The following BNIP2 variants were observed in gnomAD, a reference collection of about 807,000 sequenced individuals.
The protein encoded by BNIP2 is BCL2/adenovirus E1B 19 kDa protein-interacting protein 2.
Under a neutral mutation model 43.4 loss-of-function variants are expected in BNIP2, and 36 were observed. The observed-to-expected ratio is 0.83, with a 90% CI of 0.64 to 1.10. The LOEUF (loss-of-function observed/expected upper bound fraction) is 1.10, where lower values mean the gene tolerates loss of function less well. Among genes scored for constraint, BNIP2 ranks in the 50% least tolerant of loss-of-function variants. The pLI is 0.00. For missense variants in BNIP2, 417 were observed against 374.1 expected (o/e 1.11, Z -0.95); for synonymous variants, 146 against 121.0 (o/e 1.21, Z -1.35).
intron 1 of BNIP2, among the ~76,000 whole-genome samples, chr15:59,685,695 T>C (rs946280382): frequency 1.3e-5 from 2 of 152,178 alleles, no homozygotes; most frequent in Non-Finnish European, 2.9e-5. Context: ...AAACAGAACT[T>C]GGGGAGAGAG....
chr15:59,669,178 T>C lies in BNIP2; in HGVS notation c.794+98A>G, dbSNP rs6151564. The C allele has an allele frequency of 6.4e-3, 6,729 of 1,057,922 alleles. 40 individuals carry two copies. Among genetic ancestry groups the C allele is most frequent in the Middle Eastern group, 6.8e-3 (22 of 3,234 alleles). 65.5% of individuals were successfully genotyped at this position (1,057,922 alleles called of 1,614,324 possible). On this transcript the variant is annotated intron_variant, in intron 8 of 9. Transcript: ENST00000607373. ...TACAATGTATACACATATCAAAATA[T>C]AGCTCTGTATCCCATAAGTATGTAT...
At chr15:59,668,108 T>C (rs1354454312) in intron 9 of BNIP2, 1 of 1,298,010 alleles carries the variant, frequency 7.7e-7, no homozygotes, top group Admixed American at 2.3e-5. Context: ...TATACCTTTT[T>C]TGTTTCTTTT....
intron 1 of BNIP2, chr15:59,688,895 G>A: frequency 6.8e-7 from 1 of 1,474,478 alleles, no homozygotes. Flanking sequence ...AAAAGCGACG[G>A]GGTGGGGGGC....
intron 5 of BNIP2, chr15:59,676,867 G>A (rs760161567): frequency 4.7e-5 from 75 of 1,583,196 alleles, no homozygotes; most frequent in Non-Finnish European, 5.9e-5. Context: ...CTGGGCTCTC[G>A]CTGCGTTCGC....
At chr15:59,673,756 A>T (rs1893085106) in intron 5 of BNIP2, among the ~76,000 whole-genome samples, 2 of 152,172 alleles carry the variant, frequency 1.3e-5, no homozygotes, top group Admixed American at 6.5e-5. Flanking sequence ...GTAAGTTTAT[A>T]TTTAAAAATG....
At chr15:59,685,096 T>C (rs1020824057) in intron 1 of BNIP2, among the ~76,000 whole-genome samples, 1 of 152,246 alleles carries the variant, frequency 6.6e-6, no homozygotes, top group Non-Finnish European at 1.5e-5. Flanking sequence ...AATTTCTATT[T>C]GTAAAATTGT....
intron 2 of BNIP2, 59 bp from the exon 3 acceptor site, chr15:59,680,367 T>G (rs1283028938): frequency 7.8e-7 from 1 of 1,286,632 alleles, no homozygotes; most frequent in African/African-American, 1.5e-5. Context: ...TTTTTTGAAG[T>G]TCAATCTATT....
rs1480027540 is a variant in BNIP2 at position 59,680,225 on chromosome 15, A to C, written c.118+16T>G. On this transcript the variant is annotated intron_variant, in intron 3 of 9. Transcript: ENST00000607373. The stretch of plus-strand genomic sequence containing the variant: ...AAAGTCCATAATTTCAATGAAAGTA[A>C]GTGTCAAGCTCTTACCAGGCTGGTC... The C allele has an allele frequency of 6.6e-7, 1 of 1,518,886 alleles. No individual in the cohort carries two copies. The highest frequency in any genetic ancestry group is 2.0e-5 in the Admixed American group (1 of 50,274). The allele number at this position is 1,518,886 out of a possible 1,614,324, so 94.1% of individuals were successfully genotyped here.
At chr15:59,679,981 A>T (rs1266076456) in intron 3 of BNIP2, among the ~76,000 whole-genome samples, 2 of 152,208 alleles carry the variant, frequency 1.3e-5, no homozygotes, top group Non-Finnish European at 2.9e-5. Context: ...TTTTAAATAG[A>T]GGCAGACCTT....
At position 59,675,374 on chromosome 15, in the gene BNIP2, G is replaced by A. The variant is rs138302095; in HGVS notation, c.472+2537C>T. 1.2e-4 allele frequency among the ~76,000 whole-genome samples: 19 copies of A among 152,226 alleles called. No homozygotes were observed. In the East Asian group the frequency reaches 3.7e-3, roughly 29 times the overall value. ...GCCTGTAATCCCAGCACTTCAGGAG[G>A]CTGGGGTGAGCAAATCACGAGGTCA... is the stretch of plus-strand genomic sequence containing the variant. On this transcript the variant is annotated intron_variant, in intron 5 of 9. Transcript: ENST00000607373.
At chr15:59,672,815 A>G (rs1042606860) in intron 5 of BNIP2, 76 bp from the exon 6 acceptor site, 1 of 998,514 alleles carries the variant, frequency 1.0e-6, no homozygotes, top group Admixed American at 2.2e-5. Flanking sequence ...CTGTATGATT[A>G]GTAAATTATA....
rs373331890 is a variant in BNIP2, at chr15:59,668,935, G to T, written c.850C>A (p.Leu284Ile). ...ATGCCAACGTATTCCATGGGGACAA[G>T]TTCTGCTAGTTCTGCCAAATTAAAC... is the stretch of plus-strand genomic sequence containing the variant. ...YVFNLAELAE[L>I]VPMEYVGIPE... is the part of the protein sequence containing the mutation. Residue 284 changes from leucine (L) to isoleucine (I), a missense_variant, in exon 9 of 10, where the codon CTT (leucine) becomes ATT (isoleucine). Transcript: ENST00000607373. 3 of 1,613,704 alleles carry T rather than the reference G, an allele frequency of 1.9e-6. No individual in the cohort carries two copies. Among genetic ancestry groups the T allele is most frequent in the Non-Finnish European group, 8.5e-7 (1 of 1,179,752 alleles).
chr15:59,679,651 T>TC lies in BNIP2; in HGVS notation c.235dup (p.Glu79GlyfsTer3). The TC allele has an allele frequency of 6.2e-7, 1 of 1,613,218 alleles. No individual in the cohort carries two copies. The highest frequency in any genetic ancestry group is 8.5e-7 in the Non-Finnish European group (1 of 1,179,570). On this transcript the variant is annotated frameshift_variant, in exon 4 of 10. Coordinates refer to ENST00000607373, the MANE Select transcript of BNIP2 (RefSeq NM_004330.4). LOFTEE classifies it high-confidence loss of function. ...TGTGTCTAAGCCATCTAAGTCAATC[T>TC]CCCCACTTTCATCCAAATCATCTGA...
intron 2 of BNIP2, among the ~76,000 whole-genome samples, chr15:59,681,443 C>T (rs1224718501): frequency 1.6e-4 from 24 of 148,750 alleles, no homozygotes; most frequent in African/African-American, 5.1e-4. Context: ...GGGGGGGAAC[C>T]CACAAATTTT....
chr15:59,663,927 A>T lies in BNIP2; in HGVS notation c.*142T>A. The T allele has an allele frequency of 1.5e-6, 1 of 647,094 alleles. No individual in the cohort carries two copies. The highest frequency in any genetic ancestry group is 2.5e-6 in the Non-Finnish European group (1 of 397,648). The allele number at this position is 647,094 out of a possible 1,614,324, so 40.1% of individuals were successfully genotyped here. A position where few individuals can be genotyped will look rare whatever the true frequency, so the allele number is the denominator to read the frequency against. On this transcript the variant is annotated 3_prime_UTR_variant, in exon 10 of 10. Transcript: ENST00000607373. ...ACAGCAGTGAACAGTCCCTTGTATA[A>T]TACAAAAGTCCATTATGAAAAAGTC...
At chr15:59,680,181 G>A (rs1241462274) in intron 3 of BNIP2, 60 bp downstream of exon 3, 14 of 1,201,438 alleles carry the variant, frequency 1.2e-5, no homozygotes, top group African/African-American at 1.1e-4. Flanking sequence ...ACAAAGAAAC[G>A]TGTTTTAAAA....
intron 1 of BNIP2, among the ~76,000 whole-genome samples, chr15:59,685,106 T>C (rs1462326947): frequency 6.6e-6 from 1 of 152,222 alleles, no homozygotes. Flanking sequence ...TGTAAAATTG[T>C]TCCTCACTGG....
rs1167751005 is a variant in BNIP2, at chr15:59,660,917, T to C, written c.*3152A>G. On this transcript the variant is annotated 3_prime_UTR_variant, in exon 10 of 10. Coordinates refer to ENST00000607373, the MANE Select transcript of BNIP2 (RefSeq NM_004330.4). The stretch of plus-strand genomic sequence containing the variant: ...AAAATATGAATTCTTATCATGGGTA[T>C]GTATTATCAACTTTTCCCCCTTCAA... 6.6e-6 allele frequency: 1 copy of C among 152,244 alleles called. No homozygotes were observed. The highest frequency in any genetic ancestry group is 1.9e-4 in the East Asian group (1 of 5,202). The allele number at this position is 152,244 out of a possible 1,614,324, so 9.4% of individuals were successfully genotyped here.
intron 9 of BNIP2, chr15:59,665,341 G>A (rs1407848698): frequency 6.6e-6 from 1 of 151,754 alleles, no homozygotes; most frequent in Non-Finnish European, 1.5e-5. Context: ...GCTAGACACA[G>A]TGGCTTACAC....
Sources: gnomAD v4.1 joint callset for allele counts (sites outside exome capture counted in the v4.1 genomes callset) on GRCh38, gnomAD v4.1.1 for gene constraint, MANE v1.5 for transcripts, NCBI Gene and HGNC (gene_info 2026-07-23, HGNC 2026-07-21) for gene names.